The following FECH variants were observed in gnomAD, a reference collection of about 807,000 sequenced individuals.
FECH encodes ferrochelatase, mitochondrial.
Under a neutral mutation model 56.9 loss-of-function variants are expected in FECH, and 40 were observed. The ratio of observed to expected loss-of-function variants is 0.70; its 90% confidence interval spans 0.55 to 0.92. The LOEUF (loss-of-function observed/expected upper bound fraction) is 0.92, where lower values mean the gene tolerates loss of function less well. Among genes scored for constraint, FECH ranks in the 40% least tolerant of loss-of-function variants. FECH has a pLI of 0.00. For missense variants in FECH, 431 were observed against 529.1 expected (o/e 0.81, Z 1.82); for synonymous variants, 175 against 198.6 (o/e 0.88, Z 1.00).
chr18:57,574,970 A>G (rs531695978), intron 2 of FECH, among the ~76,000 whole-genome samples: 6 of 152,280 alleles, frequency 3.9e-5, no homozygotes, highest in African/African-American at 1.2e-4. Flanking sequence ...CTTCGTATCC[A>G]TTAAAGCCAC....
chr18:57,552,678 G>T (rs1185073237), intron 9 of FECH, among the ~76,000 whole-genome samples: 1 of 152,166 alleles, frequency 6.6e-6, no homozygotes, highest in Non-Finnish European at 1.5e-5. Context: ...GAGATTACAG[G>T]TGTGAACCAC....
In FECH at chr18:57,546,392, C is replaced by T. The variant is rs1361006007; in HGVS notation, c.*4320G>A. 3.3e-5 allele frequency among the ~76,000 whole-genome samples: 5 copies of T among 152,134 alleles called. No homozygotes were observed. The highest frequency in any genetic ancestry group is 2.0e-4 in the Admixed American group (3 of 15,272). ...CAGAGCCCCTAGGAATGCAGGTGCCCCCAGTCATCTACACTCTGAGCAGGG... is the reference window on the plus strand; with the variant it reads ...CAGAGCCCCTAGGAATGCAGGTGCCTCCAGTCATCTACACTCTGAGCAGGG... On this transcript the variant is annotated 3_prime_UTR_variant, in exon 11 of 11. Transcript: ENST00000262093.
chr18:57,567,200 C>A lies in FECH; in HGVS notation c.464-619G>T, dbSNP rs539046822. 2.6e-5 allele frequency among the ~76,000 whole-genome samples: 4 copies of A among 152,140 alleles called. No homozygotes were observed. The South Asian group carries it at 8.3e-4, about 32-fold the overall frequency. On this transcript the variant is annotated intron_variant, in intron 4 of 10. Coordinates refer to ENST00000262093, the MANE Select transcript of FECH (RefSeq NM_000140.5). ...AAAAAAATGCAAGAGCTCTTGCATA[C>A]GTAAAAAAATTCATTGATAACAAAT... is the stretch of plus-strand genomic sequence containing the variant.
chr18:57,557,666 G>A lies in FECH; in HGVS notation c.804+1479C>T, dbSNP rs532528917. On this transcript the variant is annotated intron_variant, in intron 7 of 10. Coordinates refer to ENST00000262093, the MANE Select transcript of FECH (RefSeq NM_000140.5). ...CAAAAAATTAGCCAGGCGTGGTTGC[G>A]TGTGCCTGTGGTCCCAGGTACTCAA... Among the ~76,000 whole-genome samples the A allele has an allele frequency of 1.2e-4, 18 of 152,234 alleles. 1 individual carries two copies. The South Asian group carries it at 3.3e-3, about 28-fold the overall frequency.
chr18:57,573,214 G>A (rs1248035496), intron 3 of FECH, 32 bp downstream of exon 3: 8 of 1,604,000 alleles, frequency 5.0e-6, no homozygotes, highest in Non-Finnish European at 5.1e-6. Context: ...GTAGTGCCAA[G>A]GTTATAATTG....
Position 57,550,728 on chromosome 18 carries a change from G to A in FECH, c.1256C>T (p.Thr419Ile), listed in dbSNP as rs2050786273. 6.2e-7 allele frequency: 1 copy of A among 1,614,038 alleles called. No individual in the cohort carries two copies. The highest frequency in any genetic ancestry group is 1.1e-5 in the South Asian group (1 of 91,078). ...CGGCGGGGGTCACAGCTGCTGGCTGGTGAAGAAGGATTTAGTCTCCCTGCA... is the reference window on the plus strand; with the variant it reads ...CGGCGGGGGTCACAGCTGCTGGCTGATGAAGAAGGATTTAGTCTCCCTGCA... ...PVCRETKSFFTSQQL is the reference protein window; with the variant it reads ...PVCRETKSFFISQQL Residue 419 changes from threonine to isoleucine, a missense_variant, in exon 11 of 11, where the codon ACC becomes ATC. By Grantham distance (89) the Thr-to-Ile change is moderately conservative. Transcript: ENST00000262093.
intron 1 of FECH, among the ~76,000 whole-genome samples, chr18:57,583,893 G>A (rs1007480399): frequency 6.7e-6 from 1 of 150,130 alleles, no homozygotes; most frequent in East Asian, 2.0e-4. Flanking sequence ...ATAAGAAAAC[G>A]AAACTTCACC....
intron 1 of FECH, among the ~76,000 whole-genome samples, chr18:57,582,679 C>T (rs940879970): frequency 6.6e-5 from 10 of 150,530 alleles, no homozygotes; most frequent in African/African-American, 2.0e-4. Context: ...TTTGGGAGGC[C>T]GAGGCGGGTG....
In FECH at chr18:57,546,382, T is replaced by C. The variant is rs935682097; in HGVS notation, c.*4330A>G. 1.4e-5 allele frequency among the ~76,000 whole-genome samples: 2 copies of C among 147,626 alleles called. No homozygotes were observed. Among genetic ancestry groups the C allele is most frequent in the African/African-American group, 5.0e-5 (2 of 39,852 alleles). The stretch of plus-strand genomic sequence containing the variant: ...GCTCATACGGCAGAGCCCCTAGGAA[T>C]GCAGGTGCCCCCAGTCATCTACACT... On this transcript the variant is annotated 3_prime_UTR_variant, in exon 11 of 11. Transcript: ENST00000262093.
intron 1 of FECH, 84 bp downstream of exon 1, chr18:57,586,470 G>T (rs1333939535): frequency 4.3e-6 from 6 of 1,406,536 alleles, no homozygotes; most frequent in Non-Finnish European, 5.7e-6. Context: ...CCCCGGGCGC[G>T]AGGGCCCGGG....
intron 2 of FECH, among the ~76,000 whole-genome samples, chr18:57,579,281 G>C (rs376485383): frequency 0.12 from 10,135 of 84,000 alleles, 402 homozygotes; most frequent in Non-Finnish European, 0.15. Context: ...ATATGTGTGT[G>C]TGTATATATG....
chr18:57,582,198 C>T (rs575868631), intron 1 of FECH, among the ~76,000 whole-genome samples: 25 of 152,120 alleles, frequency 1.6e-4, no homozygotes, highest in Non-Finnish European at 3.1e-4. Flanking sequence ...CACAGTTTGA[C>T]TGCTGGTACA....
At chr18:57,557,802 A>G (rs1385741488) in intron 7 of FECH, among the ~76,000 whole-genome samples, 1 of 152,192 alleles carries the variant, frequency 6.6e-6, no homozygotes, top group African/African-American at 2.4e-5. Flanking sequence ...TCTCAAAAAA[A>G]AAGCAAAGCA....
chr18:57,583,732 G>A (rs1246816786), intron 1 of FECH, among the ~76,000 whole-genome samples: 1 of 152,142 alleles, frequency 6.6e-6, no homozygotes, highest in African/African-American at 2.4e-5. Flanking sequence ...AGGCCGAGGC[G>A]GGAGAACTGC....
chr18:57,580,300 T>C, intron 1 of FECH, 101 bp from the exon 2 acceptor site: 1 of 1,434,672 alleles, frequency 7.0e-7, no homozygotes, highest in Non-Finnish European at 9.6e-7. Context: ...TTTAAAGAGA[T>C]CCCATGGCAG....
intron 3 of FECH, among the ~76,000 whole-genome samples, chr18:57,572,581 A>AACG (rs148854731): frequency 0.33 from 18,673 of 56,636 alleles, 2,490 homozygotes; most frequent in Non-Finnish European, 0.42. Flanking sequence ...ACATTTGTGT[A>AACG]ACGAAGTGGG....
At chr18:57,573,096 A>ATCCT (rs1207898345) in intron 3 of FECH, 150 bp downstream of exon 3, 14 of 821,358 alleles carry the variant, frequency 1.7e-5, no homozygotes, top group Non-Finnish European at 2.6e-5. Flanking sequence ...CTGATATCAT[A>ATCCT]TCCTTCTGAT....
At chr18:57,560,676 G>A (rs970352142) in intron 6 of FECH, among the ~76,000 whole-genome samples, 8 of 152,072 alleles carry the variant, frequency 5.3e-5, no homozygotes, top group African/African-American at 1.4e-4. Flanking sequence ...CAGTAATATA[G>A]GTAAAAGAGT....
At chr18:57,574,562 T>C (rs1014136481) in intron 2 of FECH, among the ~76,000 whole-genome samples, 1 of 152,206 alleles carries the variant, frequency 6.6e-6, no homozygotes, top group Admixed American at 6.5e-5. Context: ...CAAAGTGCTA[T>C]GCAAAAATGT....
Sources: allele counts gnomAD v4.1 joint callset (sites outside exome capture counted in the v4.1 genomes callset), GRCh38; gene constraint gnomAD v4.1.1; transcripts MANE v1.5; gene names NCBI Gene and HGNC (gene_info 2026-07-23, HGNC 2026-07-21).